The following MAPK8IP3 variants were observed in gnomAD, a reference collection of about 807,000 sequenced individuals.
MAPK8IP3 encodes the protein mitogen-activated protein kinase 8 interacting protein 3, also known as C-Jun-amino-terminal kinase-interacting protein 3.
In MAPK8IP3, 49 loss-of-function variants were observed where a neutral mutation model predicts 157.8. The ratio of observed to expected loss-of-function variants is 0.31; its 90% confidence interval spans 0.25 to 0.39. MAPK8IP3 has a LOEUF of 0.39. MAPK8IP3 is among the 10% of genes least tolerant of loss of function. The pLI is 1.00. For missense variants in MAPK8IP3, 1,478 were observed against 1,889.4 expected (o/e 0.78, Z 4.04); for synonymous variants, 897 against 777.7 (o/e 1.15, Z -2.55).
Position 1,767,750 on chromosome 16 carries a change from C to A in MAPK8IP3, c.3409+15C>A. 2 of 1,612,360 alleles carry A rather than the reference C, an allele frequency of 1.2e-6. No individual in the cohort carries two copies. Among genetic ancestry groups the A allele is most frequent in the Non-Finnish European group, 1.7e-6 (2 of 1,179,788 alleles). ...CAAGATGCTAGGTGAGGGGCCACGC[C>A]AGATGGGGTGGTGGGGTGCTCAAGG... On this transcript the variant is annotated intron_variant, in intron 27 of 31. Transcript: ENST00000610761.
Position 1,729,166 on chromosome 16 carries a change from G to A in MAPK8IP3, c.468G>A (p.Glu156=). 1 of 1,614,100 alleles carries A rather than the reference G, an allele frequency of 6.2e-7. No homozygotes were observed. Among genetic ancestry groups the A allele is most frequent in the Non-Finnish European group, 8.5e-7 (1 of 1,180,010 alleles). ...CCCGGTTGGAGGAGCGGGAGTCGGA[G>A]ATGAAGAAGGAGTACAATGCCCTGC... is the stretch of plus-strand genomic sequence containing the variant. The part of the protein sequence containing the change: ...QISRLEERES[E]MKKEYNALHQ... The change falls in exon 3 of 32, where the codon GAG becomes GAA. Residue 156 remains glutamate, a synonymous_variant. Coordinates refer to ENST00000610761, the MANE Select transcript of MAPK8IP3 (RefSeq NM_001318852.2).
At chr16:1,750,043 G>A (rs1012183360) in intron 8 of MAPK8IP3, among the ~76,000 whole-genome samples, 2 of 152,198 alleles carry the variant, frequency 1.3e-5, no homozygotes, top group South Asian at 2.1e-4. Flanking sequence ...CGGTGAGGGC[G>A]CACTTTGGTG....
intron 4 of MAPK8IP3, among the ~76,000 whole-genome samples, chr16:1,734,582 C>T (rs188869360): frequency 3.3e-5 from 5 of 152,342 alleles, no homozygotes; most frequent in East Asian, 1.9e-4. Flanking sequence ...TCCCCTGTCC[C>T]GAGTGCTTGC....
chr16:1,714,844 T>C (rs1294242010), intron 1 of MAPK8IP3, among the ~76,000 whole-genome samples: 1 of 151,928 alleles, frequency 6.6e-6, no homozygotes, highest in African/African-American at 2.4e-5. Context: ...GAGTCGGAGG[T>C]TGGGGCTGAT....
intron 5 of MAPK8IP3, chr16:1,746,724 G>C (rs1039575103): frequency 2.4e-6 from 1 of 409,712 alleles, no homozygotes; most frequent in East Asian, 4.5e-5. Flanking sequence ...CCCTGGCGAG[G>C]CACTGGCCCA....
At chr16:1,708,730 G>A (rs1390251076) in intron 1 of MAPK8IP3, among the ~76,000 whole-genome samples, 4 of 152,062 alleles carry the variant, frequency 2.6e-5, no homozygotes, top group African/African-American at 7.2e-5. Context: ...CGAGAGCTTC[G>A]GGAGCCGAGC....
At chr16:1,719,942 G>A (rs1393328316) in intron 1 of MAPK8IP3, among the ~76,000 whole-genome samples, 1 of 152,206 alleles carries the variant, frequency 6.6e-6, no homozygotes, top group African/African-American at 2.4e-5. Context: ...GTGTAAGTTG[G>A]GACACCCTCT....
chr16:1,708,532 T>C (rs1414495613), intron 1 of MAPK8IP3, among the ~76,000 whole-genome samples: 1 of 152,164 alleles, frequency 6.6e-6, no homozygotes, highest in Non-Finnish European at 1.5e-5. Flanking sequence ...CCTTGCCGCT[T>C]AAAAATGAGC....
At chr16:1,760,315 G>A (rs2041861906) in intron 11 of MAPK8IP3, 65 bp from the exon 12 acceptor site, 1 of 1,550,430 alleles carries the variant, frequency 6.4e-7, no homozygotes, top group East Asian at 2.3e-5. Flanking sequence ...GGCGCCCCTG[G>A]CAAGGCCCCT....
rs1254087369 is a variant in MAPK8IP3, at chr16:1,743,338, G to C, written c.609G>C (p.Lys203Asn). The change falls in exon 5 of 32, where the codon AAG (lysine) becomes AAC (asparagine). Residue 203 changes from lysine (K) to asparagine (N), a missense_variant. Lys to Asn is a moderately conservative substitution (Grantham distance 94). Around this residue, in one of 11 missense-constraint regions of MAPK8IP3, gnomAD observed 315 missense variants for 394.4 expected, o/e 0.80. Coordinates refer to ENST00000610761, the MANE Select transcript of MAPK8IP3 (RefSeq NM_001318852.2). The surrounding 1 kb of genome is among the most constrained non-coding windows in gnomAD (Gnocchi z 5.6). ...TESSLPGRSR[K>N]ERPTSLNVFP... is the part of the protein sequence containing the mutation. ...CTCTCGCCCCCCATTTCAGCAGGAA[G>C]GAGCGCCCCACCTCCCTGAACGTGT... is the stretch of plus-strand genomic sequence containing the variant. 6.4e-7 allele frequency: 1 copy of C among 1,555,300 alleles called. No individual in the cohort carries two copies. The highest frequency in any genetic ancestry group is 8.6e-7 in the Non-Finnish European group (1 of 1,157,002).
intron 2 of MAPK8IP3, among the ~76,000 whole-genome samples, chr16:1,727,349 G>A (rs770928946): frequency 6.6e-6 from 1 of 152,096 alleles, no homozygotes; most frequent in Admixed American, 6.5e-5. Flanking sequence ...CGTGTGCTGT[G>A]TGCAGCGTCT....
At chr16:1,761,726 C>G (rs1035746180) in intron 13 of MAPK8IP3, among the ~76,000 whole-genome samples, 2 of 151,902 alleles carry the variant, frequency 1.3e-5, no homozygotes, top group African/African-American at 2.4e-5. Context: ...GGCCACTGTT[C>G]CCACACATTC....
chr16:1,766,171 C>T (rs924524372), intron 21 of MAPK8IP3, 29 bp downstream of exon 21: 36 of 1,602,062 alleles, frequency 2.2e-5, no homozygotes, highest in South Asian at 3.3e-5. Context: ...TCCCCCATCC[C>T]CTCATTCCCA....
At chr16:1,736,061 TGTGTGTGACCATCC>T (rs2039752077) in intron 4 of MAPK8IP3, among the ~76,000 whole-genome samples, 1 of 119,080 alleles carries the variant, frequency 8.4e-6, no homozygotes, top group Non-Finnish European at 1.7e-5. Flanking sequence ...TGACCGTCCG[TGTGTGTGACCATCC>T]GTGTGAGAGT....
rs1375562601 is a variant in MAPK8IP3, at chr16:1,763,747, G to A, written c.1989G>A (p.Gln663=). Residue 663 remains glutamine, a synonymous_variant, in exon 17 of 32, where the codon CAG becomes CAA. Coordinates refer to ENST00000610761, the MANE Select transcript of MAPK8IP3 (RefSeq NM_001318852.2). ...TGCGTAACGACGACGGCCGTCTGCA[G>A]GCCTGCGGCTGGAGCCTGCCCGCCA... The part of the protein sequence containing the change: ...EHVRNDDGRL[Q]ACGWSLPAKY... The A allele has an allele frequency of 1.9e-6, 3 of 1,588,602 alleles. No homozygotes were observed. In the African/African-American group the frequency reaches 4.0e-5, roughly 21 times the overall value.
At chr16:1,766,831 C>T (rs199832183) in intron 24 of MAPK8IP3, 28 bp downstream of exon 24, 618 of 1,612,350 alleles carry the variant, frequency 3.8e-4, no homozygotes, top group Admixed American at 5.2e-4. Context: ...GAGGGCCGGG[C>T]GGCGCGGGGG....
intron 1 of MAPK8IP3, among the ~76,000 whole-genome samples, chr16:1,716,782 G>T (rs2038178177): frequency 6.6e-6 from 1 of 152,118 alleles, no homozygotes. Context: ...GGTATGACCA[G>T]GCGCAGTGGT....
chr16:1,737,734 C>G (rs1466643919), intron 4 of MAPK8IP3, among the ~76,000 whole-genome samples: 6 of 62,134 alleles, frequency 9.7e-5, no homozygotes, highest in African/African-American at 6.1e-4. Flanking sequence ...GTGTGAGCAT[C>G]CGTGTGAGCG....
rs763437572 is a variant in MAPK8IP3 at position 1,729,121 on chromosome 16, G to A, written c.440-17G>A. 1 of 1,612,862 alleles carries A rather than the reference G, an allele frequency of 6.2e-7. No homozygotes were observed. Among genetic ancestry groups the A allele is most frequent in the Non-Finnish European group, 8.5e-7 (1 of 1,178,880 alleles). Reference sequence around the variant, plus strand: ...AGAAGCGTCTTGTGCGGCTCAGACAGTGATTGTGTTTTCCAGTTTCCCGGT... The same window carrying A: ...AGAAGCGTCTTGTGCGGCTCAGACAATGATTGTGTTTTCCAGTTTCCCGGT... On this transcript the variant is annotated splice_polypyrimidine_tract_variant and intron_variant, in intron 2 of 31. Transcript: ENST00000610761.
Sources: allele counts gnomAD v4.1 joint callset (sites outside exome capture counted in the v4.1 genomes callset), GRCh38; gene constraint gnomAD v4.1.1; regional missense constraint gnomAD v4.1.1; non-coding constraint Gnocchi (gnomAD v3.1); transcripts MANE v1.5; gene names NCBI Gene and HGNC (gene_info 2026-07-23, HGNC 2026-07-21).